Variants in CDH12 observed in about 807,000 individuals in gnomAD.
CDH12 encodes cadherin-12.
CDH12 carries 41 observed loss-of-function variants against 74.1 expected under a neutral mutation model. The observed-to-expected ratio is 0.55, with a 90% CI of 0.43 to 0.72. CDH12 has a LOEUF of 0.72. Ranked by LOEUF, CDH12 falls within the 30% of genes least tolerant of loss-of-function variation. The pLI is 0.00. For missense variants in CDH12, 945 were observed against 977.2 expected, an observed-to-expected ratio of 0.97 and a Z score of 0.44; for synonymous variants, 399 against 355.0, an observed-to-expected ratio of 1.12 and a Z score of -1.39.
At chr5:22,085,222 G>A (rs746619688) in intron 4 of CDH12, among the ~76,000 whole-genome samples, 2 of 151,794 alleles carry the variant, frequency 1.3e-5, no homozygotes, top group Non-Finnish European at 2.9e-5. Context: ...ATATTTAGTT[G>A]TGAAATACTC....
chr5:22,569,294 G>T (rs1739433733), intron 1 of CDH12, among the ~76,000 whole-genome samples: 1 of 152,112 alleles, frequency 6.6e-6, no homozygotes, highest in Admixed American at 6.5e-5. Flanking sequence ...GTATTCTTGA[G>T]ATCTGATTAA....
At chr5:22,023,839 TGTA>T (rs1738163313) in intron 5 of CDH12, among the ~76,000 whole-genome samples, 2 of 152,190 alleles carry the variant, frequency 1.3e-5, no homozygotes, top group South Asian at 4.1e-4. Context: ...CATTCTTCCT[TGTA>T]GTAACCCAAG....
At chr5:22,238,432 C>T (rs1054063464) in intron 3 of CDH12, among the ~76,000 whole-genome samples, 1 of 152,070 alleles carries the variant, frequency 6.6e-6, no homozygotes, top group Non-Finnish European at 1.5e-5. Context: ...GTTTTACCTA[C>T]CATTTTTACA....
intron 4 of CDH12, among the ~76,000 whole-genome samples, chr5:22,080,602 A>C (rs2150227720): frequency 6.6e-6 from 1 of 152,228 alleles, no homozygotes; most frequent in Non-Finnish European, 1.5e-5. Context: ...GTGCCTTTTT[A>C]GTTAAAAATT....
intron 1 of CDH12, among the ~76,000 whole-genome samples, chr5:22,598,674 G>A (rs534158103): frequency 4.6e-4 from 70 of 152,262 alleles, no homozygotes; most frequent in African/African-American, 1.7e-3. Flanking sequence ...TCTACATTCT[G>A]TAAGAATTAT....
intron 3 of CDH12, among the ~76,000 whole-genome samples, chr5:22,238,008 G>A (rs931640692): frequency 4.7e-4 from 72 of 152,230 alleles, no homozygotes; most frequent in African/African-American, 1.6e-3. Context: ...TCACTGGCAC[G>A]TTTTGTATAT....
chr5:22,822,940 T>G (rs907119875), intron 1 of CDH12, among the ~76,000 whole-genome samples: 68 of 152,138 alleles, frequency 4.5e-4, no homozygotes, highest in Admixed American at 1.3e-3. Flanking sequence ...ACATGTATGT[T>G]TATTGCAGCA....
At chr5:22,388,890 T>A (rs1742113306) in intron 3 of CDH12, among the ~76,000 whole-genome samples, 1 of 152,174 alleles carries the variant, frequency 6.6e-6, no homozygotes, top group African/African-American at 2.4e-5. Context: ...TATATTCAGT[T>A]TTTGCAATGC....
intron 6 of CDH12, among the ~76,000 whole-genome samples, chr5:21,880,611 CCTTCCTTCTTTCT>C (rs1561268311): frequency 2.4e-4 from 19 of 79,488 alleles, no homozygotes; most frequent in African/African-American, 8.8e-4. Context: ...TTCCTTCCTT[CCTTCCTTCTTTCT>C]TTCTTTCTTT....
intron 6 of CDH12, among the ~76,000 whole-genome samples, chr5:21,867,862 G>A (rs954295198): frequency 6.6e-6 from 1 of 152,122 alleles, no homozygotes; most frequent in East Asian, 1.9e-4. Flanking sequence ...GGGGTGAAAT[G>A]ATATGGTTTG....
intron 4 of CDH12, among the ~76,000 whole-genome samples, chr5:22,182,946 T>C (rs1220744944): frequency 6.6e-6 from 1 of 152,018 alleles, no homozygotes; most frequent in Non-Finnish European, 1.5e-5. Flanking sequence ...TGAACTTTAG[T>C]TGTTTAGCAT....
chr5:22,352,550 G>A (rs1345364077), intron 3 of CDH12, among the ~76,000 whole-genome samples: 1 of 152,096 alleles, frequency 6.6e-6, no homozygotes, highest in Non-Finnish European at 1.5e-5. Flanking sequence ...ATACCAATGA[G>A]AGAAAAAATA....
At chr5:22,661,121 A>T (rs1313872664) in intron 1 of CDH12, among the ~76,000 whole-genome samples, 1 of 152,200 alleles carries the variant, frequency 6.6e-6, no homozygotes, top group East Asian at 1.9e-4. Context: ...AAGCAAAGAA[A>T]CCTTATTTAT....
At chr5:22,194,456 T>C (rs796700821) in intron 4 of CDH12, among the ~76,000 whole-genome samples, 6 of 151,598 alleles carry the variant, frequency 4.0e-5, no homozygotes, top group African/African-American at 7.3e-5. Context: ...CTCAGCCTCC[T>C]GAGTAGCTGG....
chr5:22,800,892 T>C (rs368687963), intron 1 of CDH12, among the ~76,000 whole-genome samples: 1 of 152,202 alleles, frequency 6.6e-6, no homozygotes, highest in Non-Finnish European at 1.5e-5. Flanking sequence ...TTTTTTAGCA[T>C]TGAATACTAT....
intron 3 of CDH12, among the ~76,000 whole-genome samples, chr5:22,294,808 T>C (rs564704330): frequency 5.3e-5 from 8 of 152,364 alleles, no homozygotes; most frequent in African/African-American, 1.9e-4. Flanking sequence ...GTTTCTTATG[T>C]TTGCCTTAGA....
At chr5:22,412,259 C>T (rs1456027826) in intron 2 of CDH12, among the ~76,000 whole-genome samples, 2 of 151,938 alleles carry the variant, frequency 1.3e-5, no homozygotes, top group African/African-American at 4.8e-5. Flanking sequence ...ATCATATTCA[C>T]ATGATATTAC....
chr5:21,831,046 G>GAAAACA (rs1240233422), intron 8 of CDH12, among the ~76,000 whole-genome samples: 2 of 137,832 alleles, frequency 1.5e-5, no homozygotes. Flanking sequence ...CTCAAAAAAA[G>GAAAACA]AAAACAAAAA....
At chr5:22,204,992 G>C (rs1382177210) in intron 4 of CDH12, among the ~76,000 whole-genome samples, 5 of 152,158 alleles carry the variant, frequency 3.3e-5, no homozygotes, top group Non-Finnish European at 7.3e-5. Flanking sequence ...ATAGGAACTA[G>C]GCCTTGTCAA....
Sources: gnomAD v4.1 joint callset for allele counts (sites outside exome capture counted in the v4.1 genomes callset) on GRCh38, gnomAD v4.1.1 for gene constraint, MANE v1.5 for transcripts, NCBI Gene and HGNC (gene_info 2026-07-23, HGNC 2026-07-21) for gene names.